Variants in ABCA9 observed in about 807,000 individuals in gnomAD.
ABCA9 encodes the protein ATP-binding cassette sub-family A member 9.
In ABCA9, 183 loss-of-function variants were observed where a neutral mutation model predicts 205.3. The ratio of observed to expected loss-of-function variants is 0.89; its 90% confidence interval spans 0.79 to 1.01. The LOEUF (loss-of-function observed/expected upper bound fraction) is 1.01. Ranked by LOEUF, ABCA9 falls within the 50% of genes least tolerant of loss-of-function variation. The probability of loss-of-function intolerance (pLI) is 0.00; values close to 1 mark genes in which losing one functional copy is unlikely to be tolerated. For missense variants in ABCA9, 1,805 were observed against 1,912.4 expected (o/e 0.94, Z 1.05); for synonymous variants, 651 against 683.3 (o/e 0.95, Z 0.74).
chr17:69,063,003 G>A (rs1013682060), upstream of ABCA9, among the ~76,000 whole-genome samples: 6 of 152,076 alleles, frequency 3.9e-5, no homozygotes, highest in Non-Finnish European at 7.3e-5. Context: ...ATCCCATGAG[G>A]TAGGCATTAT....
chr17:68,978,854 G>A (rs2068959213), intron 37 of ABCA9, among the ~76,000 whole-genome samples: 1 of 152,076 alleles, frequency 6.6e-6, no homozygotes. Context: ...AAAACTGGAA[G>A]CATTCCCTTT....
chr17:69,074,524 A>G, the ABCA9 span, among the ~76,000 whole-genome samples: 3 of 152,186 alleles, frequency 2.0e-5, no homozygotes, highest in African/African-American at 7.2e-5. Context: ...CTGCATTACT[A>G]CGATTAGAAT....
At chr17:68,995,761 A>G in intron 26 of ABCA9, 134 bp downstream of exon 26, 2 of 1,193,032 alleles carry the variant, frequency 1.7e-6, no homozygotes, top group Non-Finnish European at 2.3e-6. Flanking sequence ...GCGTGGCAAG[A>G]GAACTGACTT....
intron 26 of ABCA9, among the ~76,000 whole-genome samples, chr17:68,993,774 C>G (rs985418467): frequency 2.0e-5 from 3 of 152,188 alleles, no homozygotes; most frequent in Non-Finnish European, 2.9e-5. Flanking sequence ...GACATCATTT[C>G]AAATGATTTT....
chr17:68,981,167 AG>A (rs2069039737), intron 37 of ABCA9, among the ~76,000 whole-genome samples: 1 of 152,128 alleles, frequency 6.6e-6, no homozygotes, highest in African/African-American at 2.4e-5. Context: ...TATTGGTTAA[AG>A]GGTACGATGT....
At chr17:69,038,170 C>T (rs2071408605) in intron 6 of ABCA9, among the ~76,000 whole-genome samples, 2 of 152,250 alleles carry the variant, frequency 1.3e-5, no homozygotes, top group South Asian at 4.1e-4. Flanking sequence ...CATTCTGAAA[C>T]TATTCCAAAC....
intron 15 of ABCA9, 57 bp downstream of exon 15, chr17:69,026,919 A>T: frequency 1.3e-6 from 2 of 1,589,872 alleles, no homozygotes; most frequent in Non-Finnish European, 1.7e-6. Context: ...ATACCTGTTC[A>T]TATTCCACAC....
chr17:69,045,418 A>G lies in ABCA9; in HGVS notation c.305-82T>C, dbSNP rs2071678574. The G allele has an allele frequency of 4.0e-6, 5 of 1,241,650 alleles. No homozygotes were observed. The East Asian group carries it at 1.3e-4, about 33-fold the overall frequency. The allele number at this position is 1,241,650 out of a possible 1,614,324, so 76.9% of individuals were successfully genotyped here. A position where few individuals can be genotyped will look rare whatever the true frequency, so the allele number is the denominator to read the frequency against. ...TATTCAATTATGTTGAGGTTATTTT[A>G]TGTTAAAGCTATTCCTTCCTAAAGG... is the stretch of plus-strand genomic sequence containing the variant. On this transcript the variant is annotated intron_variant, in intron 3 of 38. Coordinates refer to ENST00000340001, the MANE Select transcript of ABCA9 (RefSeq NM_080283.4).
chr17:68,991,597 A>C (rs956517442), intron 28 of ABCA9, among the ~76,000 whole-genome samples: 4 of 151,908 alleles, frequency 2.6e-5, no homozygotes, highest in Admixed American at 2.6e-4. Flanking sequence ...TCATCTTGTC[A>C]CTCTTCTCTG....
Position 68,975,725 on chromosome 17 carries a change from GGCTTATGCCCTA to G in ABCA9, c.*178_*189del, listed in dbSNP as rs1184292171. The G allele has an allele frequency of 5.2e-6, 3 of 574,226 alleles. No individual in the cohort carries two copies. The Admixed American group carries it at 8.9e-5, about 17-fold the overall frequency. 35.6% of individuals were successfully genotyped at this position (574,226 alleles called of 1,614,324 possible). On this transcript the variant is annotated 3_prime_UTR_variant, in exon 39 of 39. Transcript: ENST00000340001. ...CACAAAGGCTGCATGGTATGGCTTA[GGCTTATGCCCTA>G]TGATCGCCCTCACTGACATCGCCTG...
Position 69,008,180 on chromosome 17 carries a change from A to C in ABCA9, c.3203T>G (p.Phe1068Cys). ...ISGLYPSAYW[F>C]GQALVDVSLY... ...GGAAACATCCACCAGTGCTTGGCCA[A>C]ACCAGTATGCAGAAGGGTAGAGGCC... The change falls in exon 24 of 39, where the codon TTT (phenylalanine) becomes TGT (cysteine). Residue 1068 changes from phenylalanine (F) to cysteine (C), a missense_variant. Phe to Cys is a radical substitution (Grantham distance 205, BLOSUM62 -2). Transcript: ENST00000340001. The C allele has an allele frequency of 1.9e-6, 3 of 1,614,158 alleles. No homozygotes were observed. Among genetic ancestry groups the C allele is most frequent in the Non-Finnish European group, 2.5e-6 (3 of 1,179,984 alleles).
intron 6 of ABCA9, among the ~76,000 whole-genome samples, chr17:69,037,614 G>T (rs55750338): frequency 0.042 from 6,325 of 152,210 alleles, 192 homozygotes; most frequent in Non-Finnish European, 0.057. Flanking sequence ...GAGAAAACGG[G>T]AAAGGTCTAA....
In ABCA9 at chr17:68,992,171, CA is replaced by C; in HGVS notation, c.3716+3del. ...AACATGAAATTCGATTTGATTTTCT[CA>C]ACCTGAACACAGGATCCTTTCTCAT... On this transcript the variant is annotated splice_donor_region_variant and intron_variant, in intron 28 of 38. Transcript: ENST00000340001. 3 of 1,555,346 alleles carry C rather than the reference CA, an allele frequency of 1.9e-6. No homozygotes were observed. The highest frequency in any genetic ancestry group is 2.6e-6 in the Non-Finnish European group (3 of 1,146,722).
chr17:69,050,127 T>C (rs2071853059), intron 2 of ABCA9, among the ~76,000 whole-genome samples: 1 of 152,032 alleles, frequency 6.6e-6, no homozygotes, highest in African/African-American at 2.4e-5. Context: ...CTATGTGTGT[T>C]GGTCTATATC....
At chr17:69,075,019 A>G in the ABCA9 span, among the ~76,000 whole-genome samples, 6 of 152,066 alleles carry the variant, frequency 3.9e-5, no homozygotes, top group East Asian at 1.2e-3. Context: ...GCATTTTTTC[A>G]TGTTTGTTGA....
rs374512087 is a variant in ABCA9 at position 68,975,986 on chromosome 17, C to G, written c.4804G>C (p.Glu1602Gln). Residue 1602 changes from glutamate to glutamine, a missense_variant, in exon 39 of 39, where the codon GAG (glutamate) becomes CAG (glutamine). Transcript: ENST00000340001. Reference protein sequence around the residue: ...QVFLELSKEQELGDLEEDFDP... With the variant: ...QVFLELSKEQQLGDLEEDFDP... ...AAGTCCTCTTCAAGATCACCCAGCT[C>G]CTGCTCCTTGGAGAGCTCCAGGAAA... 4 of 1,613,760 alleles carry G rather than the reference C, an allele frequency of 2.5e-6. No homozygotes were observed. The highest frequency in any genetic ancestry group is 1.6e-4 in the Middle Eastern group (1 of 6,062).
chr17:69,047,889 T>A (rs1289426102), intron 3 of ABCA9, among the ~76,000 whole-genome samples: 1 of 152,186 alleles, frequency 6.6e-6, no homozygotes, highest in African/African-American at 2.4e-5. Context: ...AGCCTCTGGA[T>A]ATTAATCTGC....
At position 69,008,287 on chromosome 17, in the gene ABCA9, G is replaced by A. The variant is rs1386544005; in HGVS notation, c.3148-52C>T. On this transcript the variant is annotated intron_variant, in intron 23 of 38. Coordinates refer to ENST00000340001, the MANE Select transcript of ABCA9 (RefSeq NM_080283.4). ...AAAGGTTCTGAAGAGCTGAAGTTTG[G>A]GAAATTGCAAATATACAGTCATGAA... is the stretch of plus-strand genomic sequence containing the variant. The A allele has an allele frequency of 3.3e-6, 5 of 1,530,146 alleles. No individual in the cohort carries two copies. In the South Asian group the frequency reaches 5.9e-5, roughly 18 times the overall value. The allele number at this position is 1,530,146 out of a possible 1,614,324, so 94.8% of individuals were successfully genotyped here.
chr17:68,995,910 T>C lies in ABCA9; in HGVS notation c.3540A>G (p.Leu1180=), dbSNP rs1289900457. The C allele has an allele frequency of 6.2e-7, 1 of 1,613,702 alleles. No homozygotes were observed. The change falls in exon 26 of 39, where the codon CTA becomes CTG. Residue 1180 remains leucine, a synonymous_variant. Coordinates refer to ENST00000340001, the MANE Select transcript of ABCA9 (RefSeq NM_080283.4). The stretch of plus-strand genomic sequence containing the variant: ...AACTACTTACCTCAGAAAAAATGAA[T>C]AGAGAGCCAATCAATGTGAAGGGAG... ...LIPPFTLIGS[L]FIFSEISPDS...
Sources: gnomAD v4.1 joint callset for allele counts (sites outside exome capture counted in the v4.1 genomes callset) on GRCh38, gnomAD v4.1.1 for gene constraint, MANE v1.5 for transcripts, NCBI Gene and HGNC (gene_info 2026-07-23, HGNC 2026-07-21) for gene names.